The following MRPS6 variants were observed in gnomAD, a reference collection of about 807,000 sequenced individuals.
MRPS6 encodes the protein small ribosomal subunit protein bS6m.
In MRPS6, 6 loss-of-function variants were observed where a neutral mutation model predicts 13.1. That is an observed-to-expected ratio of 0.46 (90% confidence interval 0.25 to 0.91). The LOEUF (loss-of-function observed/expected upper bound fraction) is 0.91. Among genes scored for constraint, MRPS6 ranks in the 40% least tolerant of loss-of-function variants. The probability of loss-of-function intolerance (pLI) is 0.18; values close to 1 mark genes in which losing one functional copy is unlikely to be tolerated. For missense variants in MRPS6, 164 were observed against 155.6 expected (o/e 1.05, Z -0.29); for synonymous variants, 61 against 56.5 (o/e 1.08, Z -0.36).
At chr21:34,116,106 T>C (rs1239178912) in intron 1 of MRPS6, among the ~76,000 whole-genome samples, 1 of 151,882 alleles carries the variant, frequency 6.6e-6, no homozygotes, top group Non-Finnish European at 1.5e-5. Flanking sequence ...TTCCCTAGCC[T>C]CAAGCAATCC....
chr21:34,130,843 G>C (rs1004424692), intron 2 of MRPS6, among the ~76,000 whole-genome samples: 6 of 152,188 alleles, frequency 3.9e-5, no homozygotes, highest in Non-Finnish European at 8.8e-5. Context: ...CTATAGAAAA[G>C]AGAGATGCTT....
At chr21:34,110,359 G>A (rs557072091) in intron 1 of MRPS6, among the ~76,000 whole-genome samples, 1 of 151,408 alleles carries the variant, frequency 6.6e-6, no homozygotes, top group Non-Finnish European at 1.5e-5. Context: ...AGCTACTCAA[G>A]AGGCCAGCTA....
chr21:34,101,927 A>G, intron 1 of MRPS6: 1 of 1,000,206 alleles, frequency 1.0e-6, no homozygotes, highest in Non-Finnish European at 1.2e-6. Flanking sequence ...TGATGGTGTC[A>G]GAGTGCAGAG....
chr21:34,112,579 C>T (rs762285234), intron 1 of MRPS6, among the ~76,000 whole-genome samples: 1 of 152,096 alleles, frequency 6.6e-6, no homozygotes, highest in African/African-American at 2.4e-5. Context: ...TCCCTCCCCA[C>T]ACCTATTCTC....
At chr21:34,101,620 C>A in intron 1 of MRPS6, 1 of 1,000,124 alleles carries the variant, frequency 1.0e-6, no homozygotes, top group Non-Finnish European at 1.2e-6. Context: ...CAGCACTTAG[C>A]AAATTCAAAT....
chr21:34,090,197 T>C (rs1311111921), intron 1 of MRPS6, among the ~76,000 whole-genome samples: 1 of 152,246 alleles, frequency 6.6e-6, no homozygotes, highest in Admixed American at 6.5e-5. Flanking sequence ...AGGCCAGTTA[T>C]ATTAGGAAAA....
chr21:34,109,511 C>G (rs1979614606), intron 1 of MRPS6, among the ~76,000 whole-genome samples: 1 of 152,188 alleles, frequency 6.6e-6, no homozygotes, highest in Non-Finnish European at 1.5e-5. Context: ...TTTCCTTAAT[C>G]TCTTTGGTAC....
intron 1 of MRPS6, among the ~76,000 whole-genome samples, chr21:34,090,082 T>G (rs139112992): frequency 6.6e-6 from 1 of 152,128 alleles, no homozygotes; most frequent in Non-Finnish European, 1.5e-5. Flanking sequence ...TCAAAAAGTT[T>G]TGGATTTGGG....
chr21:34,121,257 T>A (rs61588026), intron 1 of MRPS6, among the ~76,000 whole-genome samples: 10,996 of 149,312 alleles, frequency 0.074, 1,329 homozygotes, highest in African/African-American at 0.26. Context: ...CAAACTTTGT[T>A]GTGCCTCCAG....
intron 1 of MRPS6, chr21:34,101,598 A>T (rs1055893786): frequency 2.0e-6 from 2 of 999,974 alleles, no homozygotes; most frequent in Non-Finnish European, 2.4e-6. Context: ...TCAGTTCTAC[A>T]CCTAGTCTTT....
chr21:34,075,406 AT>A (rs952143575), intron 1 of MRPS6, among the ~76,000 whole-genome samples: 9 of 151,292 alleles, frequency 5.9e-5, no homozygotes, highest in African/African-American at 1.9e-4. Flanking sequence ...TTCTTTTACC[AT>A]TTTTTTTTAT....
intron 2 of MRPS6, among the ~76,000 whole-genome samples, chr21:34,131,597 C>CA (rs1158267245): frequency 2.6e-5 from 4 of 152,186 alleles, no homozygotes; most frequent in African/African-American, 9.7e-5. Flanking sequence ...CCTGTGCTGT[C>CA]ATGAGAAAGG....
chr21:34,080,869 T>G (rs564755941), intron 1 of MRPS6, among the ~76,000 whole-genome samples: 29 of 152,326 alleles, frequency 1.9e-4, no homozygotes, highest in Admixed American at 4.6e-4. Context: ...TGCTAGTAGT[T>G]TGCTTACAAG....
chr21:34,133,412 C>G (rs904188860), intron 2 of MRPS6, among the ~76,000 whole-genome samples: 11 of 152,210 alleles, frequency 7.2e-5, no homozygotes, highest in Admixed American at 2.6e-4. Flanking sequence ...TGTAAACACA[C>G]TTTCTCTTAG....
chr21:34,094,707 G>T (rs1037929282), intron 1 of MRPS6, among the ~76,000 whole-genome samples: 10 of 151,130 alleles, frequency 6.6e-5, no homozygotes, highest in Admixed American at 6.0e-4. Flanking sequence ...CATATAGATT[G>T]CTCTTTCCTG....
At chr21:34,077,424 C>T (rs62228248) in intron 1 of MRPS6, among the ~76,000 whole-genome samples, 8,812 of 152,226 alleles carry the variant, frequency 0.058, 299 homozygotes, top group Middle Eastern at 0.13. Context: ...TCACAGTTGG[C>T]ATAGATTATG....
In MRPS6 at chr21:34,096,208, T is replaced by G. The variant is rs1185022715; in HGVS notation, c.45+22463T>G. ...GCTTGCATCAACCCAGAGCACTGCA[T>G]GCTGGTGTGTGGAAGCAGAGCTGGT... On this transcript the variant is annotated intron_variant, in intron 1 of 2. Transcript: ENST00000399312. The surrounding 1 kb of genome is among the most constrained non-coding windows in gnomAD (Gnocchi z 5.9). The G allele has an allele frequency of 6.2e-7, 1 of 1,614,208 alleles. No individual in the cohort carries two copies. The highest frequency in any genetic ancestry group is 1.7e-5 in the Admixed American group (1 of 60,034).
At chr21:34,075,050 C>T (rs891094499) in intron 1 of MRPS6, among the ~76,000 whole-genome samples, 3 of 152,188 alleles carry the variant, frequency 2.0e-5, no homozygotes, top group African/African-American at 7.2e-5. Context: ...TTTGGCCCTC[C>T]TCCTTGCTTA....
At chr21:34,097,160 C>T (rs749134172) in intron 1 of MRPS6, 2 of 1,614,032 alleles carry the variant, frequency 1.2e-6, no homozygotes, top group Non-Finnish European at 1.7e-6. Flanking sequence ...GAGGTCGGTA[C>T]TGGAAGTTCA....
Sources: allele counts gnomAD v4.1 joint callset (sites outside exome capture counted in the v4.1 genomes callset), GRCh38; gene constraint gnomAD v4.1.1; non-coding constraint Gnocchi (gnomAD v3.1); transcripts MANE v1.5; gene names NCBI Gene and HGNC (gene_info 2026-07-23, HGNC 2026-07-21).